The following RTN1 variants were observed in gnomAD, a reference collection of about 807,000 sequenced individuals.
The protein encoded by RTN1 is reticulon-1.
In RTN1, 25 loss-of-function variants were observed where a neutral mutation model predicts 65.5. That is an observed-to-expected ratio of 0.38 (90% CI 0.28 to 0.53). The LOEUF (loss-of-function observed/expected upper bound fraction) is 0.53, where lower values mean the gene tolerates loss of function less well. RTN1 is among the 20% of genes least tolerant of loss of function. The pLI is 0.79. For synonymous variants in RTN1, 471 were observed against 447.6 expected (o/e 1.05, Z -0.66); for missense variants, 983 against 1,025.4 (o/e 0.96, Z 0.57).
At chr14:59,603,800 C>G in intron 6 of RTN1, 52 bp downstream of exon 6, 1 of 1,440,446 alleles carries the variant, frequency 6.9e-7, no homozygotes, top group Non-Finnish European at 9.7e-7. Flanking sequence ...TAGGAAGCAG[C>G]GTTTTCACAG....
intron 8 of RTN1, 104 bp downstream of exon 8, chr14:59,602,961 A>T: frequency 1.3e-6 from 1 of 792,958 alleles, no homozygotes; most frequent in South Asian, 1.9e-5. Context: ...AATGACCATA[A>T]ATCAATCTAT....
chr14:59,622,425 T>G (rs1301368628), intron 3 of RTN1, among the ~76,000 whole-genome samples: 1 of 152,188 alleles, frequency 6.6e-6, no homozygotes, highest in Non-Finnish European at 1.5e-5. Context: ...ACAAAAGGAC[T>G]GTTGAAAAAT....
intron 1 of RTN1, among the ~76,000 whole-genome samples, chr14:59,818,320 T>C (rs549966491): frequency 6.6e-6 from 1 of 152,278 alleles, no homozygotes; most frequent in Admixed American, 6.5e-5. Context: ...CTCACCCATC[T>C]CCACTAGCAC....
chr14:59,647,116 C>T (rs1294400112), intron 3 of RTN1: 1 of 152,172 alleles, frequency 6.6e-6, no homozygotes, highest in Non-Finnish European at 1.5e-5. Context: ...GGAAAATCTA[C>T]CAAGCAAATG....
chr14:59,677,046 A>G (rs529294112), intron 3 of RTN1, among the ~76,000 whole-genome samples: 2 of 152,292 alleles, frequency 1.3e-5, no homozygotes, highest in Admixed American at 6.5e-5. Flanking sequence ...CTCCATTCCT[A>G]TCGGGTGTAC....
chr14:59,655,445 T>C (rs1307174978), intron 3 of RTN1, among the ~76,000 whole-genome samples: 1 of 152,242 alleles, frequency 6.6e-6, no homozygotes, highest in Non-Finnish European at 1.5e-5. Flanking sequence ...GTTTGTTTTG[T>C]GTTGTTTTCA....
chr14:59,870,607 C>A lies in RTN1; in HGVS notation c.24G>T (p.Gln8His). The change falls in exon 1 of 9, where the codon CAG becomes CAT. Residue 8 changes from glutamine (Q) to histidine (H), a missense_variant. Around this residue, in one of 2 missense-constraint regions of RTN1, gnomAD observed 818 missense variants for 801.8 expected, o/e 1.02. Transcript: ENST00000267484. This position sits in a 1 kb window ranked among gnomAD's most constrained non-coding sequence, Gnocchi z 5.1. MAAPGDP[Q>H]DELLPLAGPG... ...GGCCGGCCAGCGGCAGCAGCTCGTC[C>A]TGCGGATCCCCCGGCGCGGCCATGG... is the stretch of plus-strand genomic sequence containing the variant. The A allele has an allele frequency of 7.0e-7, 1 of 1,431,264 alleles. No homozygotes were observed. Among genetic ancestry groups the A allele is most frequent in the Non-Finnish European group, 9.1e-7 (1 of 1,096,882 alleles). The allele number at this position is 1,431,264 out of a possible 1,614,324, so 88.7% of individuals were successfully genotyped here. A position where few individuals can be genotyped will look rare whatever the true frequency, so the allele number is the denominator to read the frequency against.
At chr14:59,599,305 C>T (rs1881505073) in intron 8 of RTN1, among the ~76,000 whole-genome samples, 1 of 152,204 alleles carries the variant, frequency 6.6e-6, no homozygotes, top group Admixed American at 6.5e-5. Flanking sequence ...ATTCGGCATT[C>T]TCGCTTACTC....
chr14:59,814,378 T>A (rs891006501), intron 1 of RTN1, among the ~76,000 whole-genome samples: 3 of 152,194 alleles, frequency 2.0e-5, no homozygotes, highest in African/African-American at 7.2e-5. Context: ...GATAGCTGAT[T>A]GCATATTGGC....
rs2139683258 is a variant in RTN1 at position 59,868,779 on chromosome 14, G to T, written c.241+1611C>A. On this transcript the variant is annotated intron_variant, in intron 1 of 8. Transcript: ENST00000267484. The surrounding 1 kb of genome is among the most constrained non-coding windows in gnomAD (Gnocchi z 4.0). ...TAGGAGGTGGGTAATGTTTCATAAA[G>T]AAACAATTTACTTTGATTACAGTGG... Among the ~76,000 whole-genome samples, 1 of 152,248 alleles carries T rather than the reference G, an allele frequency of 6.6e-6. No homozygotes were observed. The highest frequency in any genetic ancestry group is 2.1e-4 in the South Asian group (1 of 4,816).
chr14:59,772,422 G>A (rs1270577947), intron 1 of RTN1, among the ~76,000 whole-genome samples: 1 of 151,694 alleles, frequency 6.6e-6, no homozygotes, highest in Non-Finnish European at 1.5e-5. Context: ...TGCTCAGCAT[G>A]CTATTAGGTA....
intron 1 of RTN1, among the ~76,000 whole-genome samples, chr14:59,862,448 C>T (rs1272075817): frequency 6.6e-6 from 1 of 152,162 alleles, no homozygotes; most frequent in East Asian, 1.9e-4. Flanking sequence ...AGTACCCCTC[C>T]TACTATCTAC....
intron 3 of RTN1, among the ~76,000 whole-genome samples, chr14:59,683,295 G>A (rs1347391948): frequency 3.3e-5 from 5 of 152,042 alleles, no homozygotes; most frequent in African/African-American, 1.2e-4. Flanking sequence ...CCTGGGATAG[G>A]GGAAGTGAAA....
intron 3 of RTN1, among the ~76,000 whole-genome samples, chr14:59,638,770 A>G (rs756292098): frequency 9.2e-5 from 14 of 152,248 alleles, no homozygotes; most frequent in Non-Finnish European, 2.1e-4. Flanking sequence ...AGGGAATGTT[A>G]GGGTTGGTTT....
chr14:59,626,001 G>T (rs564195901), intron 3 of RTN1, among the ~76,000 whole-genome samples: 1 of 152,088 alleles, frequency 6.6e-6, no homozygotes, highest in African/African-American at 2.4e-5. Flanking sequence ...CAGGGAGTCT[G>T]CAATTGTTAA....
At chr14:59,756,607 C>T (rs1056723077) in intron 1 of RTN1, among the ~76,000 whole-genome samples, 4 of 152,046 alleles carry the variant, frequency 2.6e-5, no homozygotes, top group African/African-American at 9.7e-5. Context: ...AAGGGCTATC[C>T]CCAAACATCT....
intron 3 of RTN1, among the ~76,000 whole-genome samples, chr14:59,609,265 C>A (rs959112428): frequency 1.4e-5 from 2 of 146,654 alleles, no homozygotes; most frequent in Non-Finnish European, 3.0e-5. Context: ...GCCTGGGAAA[C>A]AAGAGCGAAA....
chr14:59,717,039 G>T (rs1011192328), intron 3 of RTN1, among the ~76,000 whole-genome samples: 1 of 151,796 alleles, frequency 6.6e-6, no homozygotes, highest in Non-Finnish European at 1.5e-5. Flanking sequence ...GCAACCACTG[G>T]ATGGCAATAG....
At chr14:59,779,160 G>A (rs1886107364) in intron 1 of RTN1, among the ~76,000 whole-genome samples, 2 of 151,956 alleles carry the variant, frequency 1.3e-5, no homozygotes, top group African/African-American at 4.8e-5. Flanking sequence ...AGATACAGGA[G>A]TTGTTCAAGA....
Sources: allele counts gnomAD v4.1 joint callset (sites outside exome capture counted in the v4.1 genomes callset), GRCh38; gene constraint gnomAD v4.1.1; regional missense constraint gnomAD v4.1.1; non-coding constraint Gnocchi (gnomAD v3.1); transcripts MANE v1.5; gene names NCBI Gene and HGNC (gene_info 2026-07-23, HGNC 2026-07-21).